RAB11FIP4: variants seen among roughly 807,000 people sequenced by gnomAD.
RAB11FIP4 encodes the protein RAB11 family interacting protein 4.
In RAB11FIP4, 23 loss-of-function variants were observed where a neutral mutation model predicts 74.3. The ratio of observed to expected loss-of-function variants is 0.31; its 90% confidence interval spans 0.22 to 0.44. RAB11FIP4 has a LOEUF of 0.44. Ranked by LOEUF, RAB11FIP4 falls within the 20% of genes least tolerant of loss-of-function variation. The pLI is 1.00. For missense variants in RAB11FIP4, 630 were observed against 863.9 expected, an observed-to-expected ratio of 0.73 and a Z score of 3.39; for synonymous variants, 360 against 359.9, an observed-to-expected ratio of 1.00 and a Z score of 0.00.
chr17:31,504,995 G>A (rs535393341), intron 3 of RAB11FIP4, among the ~76,000 whole-genome samples: 165 of 152,194 alleles, frequency 1.1e-3, no homozygotes, highest in African/African-American at 3.8e-3. Flanking sequence ...CCATTTTTCC[G>A]TTTGGTAGAA....
At chr17:31,396,709 G>A (rs903692909) in intron 1 of RAB11FIP4, among the ~76,000 whole-genome samples, 2 of 152,214 alleles carry the variant, frequency 1.3e-5, no homozygotes, top group Non-Finnish European at 1.5e-5. Flanking sequence ...CAGAATGGTA[G>A]ACATTGAAAG....
chr17:31,507,907 G>C (rs1567682687), intron 3 of RAB11FIP4, among the ~76,000 whole-genome samples: 1 of 152,122 alleles, frequency 6.6e-6, no homozygotes, highest in Non-Finnish European at 1.5e-5. Context: ...CACCATCACA[G>C]CCTCGACTTC....
intron 3 of RAB11FIP4, among the ~76,000 whole-genome samples, chr17:31,515,621 A>C: frequency 6.6e-6 from 1 of 151,902 alleles, no homozygotes; most frequent in Non-Finnish European, 1.5e-5. Context: ...GAGGCTTTTC[A>C]CAGCCTGTTT....
chr17:31,445,622 G>A (rs1260323542), intron 3 of RAB11FIP4, among the ~76,000 whole-genome samples: 1 of 119,256 alleles, frequency 8.4e-6, no homozygotes, highest in Non-Finnish European at 1.6e-5. Context: ...GTCTTGCTCT[G>A]TCACCCAGGC....
chr17:31,517,197 G>A (rs975523281), intron 3 of RAB11FIP4, among the ~76,000 whole-genome samples: 2 of 131,080 alleles, frequency 1.5e-5, no homozygotes, highest in African/African-American at 5.6e-5. Flanking sequence ...GGTGCGGGGG[G>A]GGGGGCGGTG....
chr17:31,474,391 A>G (rs974037681), intron 3 of RAB11FIP4, among the ~76,000 whole-genome samples: 3 of 152,042 alleles, frequency 2.0e-5, no homozygotes, highest in African/African-American at 7.2e-5. Context: ...GTTTAAAGGG[A>G]CCAGGTGCGG....
At chr17:31,501,227 CCT>C (rs2072214681) in intron 3 of RAB11FIP4, among the ~76,000 whole-genome samples, 1 of 150,342 alleles carries the variant, frequency 6.7e-6, no homozygotes, top group African/African-American at 2.4e-5. Flanking sequence ...AAAATAAATC[CCT>C]GAGTCTCTTG....
At chr17:31,499,671 A>G (rs1394101130) in intron 3 of RAB11FIP4, among the ~76,000 whole-genome samples, 1 of 152,060 alleles carries the variant, frequency 6.6e-6, no homozygotes, top group African/African-American at 2.4e-5. Context: ...CCCCATCTAT[A>G]AGGAGGAAAA....
intron 1 of RAB11FIP4, among the ~76,000 whole-genome samples, chr17:31,420,708 C>T (rs1434761250): frequency 6.6e-6 from 1 of 151,358 alleles, no homozygotes; most frequent in African/African-American, 2.4e-5. Flanking sequence ...TTTATTATTT[C>T]TTTCCTCCCT....
At chr17:31,465,312 T>G (rs1443246506) in intron 3 of RAB11FIP4, among the ~76,000 whole-genome samples, 1 of 151,868 alleles carries the variant, frequency 6.6e-6, no homozygotes, top group Non-Finnish European at 1.5e-5. Flanking sequence ...TAGGCCCCAT[T>G]GACTAGCCCA....
At chr17:31,445,071 C>A (rs1383579919) in intron 3 of RAB11FIP4, among the ~76,000 whole-genome samples, 3 of 152,118 alleles carry the variant, frequency 2.0e-5, no homozygotes, top group Non-Finnish European at 4.4e-5. Flanking sequence ...ACTGGGATAT[C>A]AGTGGAGATT....
At chr17:31,451,339 A>G (rs1400052557) in intron 3 of RAB11FIP4, among the ~76,000 whole-genome samples, 2 of 151,764 alleles carry the variant, frequency 1.3e-5, no homozygotes, top group African/African-American at 2.4e-5. Flanking sequence ...GGCGCCTGTA[A>G]TCCCAGCTAC....
intron 7 of RAB11FIP4, chr17:31,522,761 G>A: frequency 3.3e-6 from 1 of 307,340 alleles, no homozygotes; most frequent in Non-Finnish European, 6.1e-6. Flanking sequence ...TGCAGGCGGG[G>A]ATCTGGGCAT....
intron 3 of RAB11FIP4, among the ~76,000 whole-genome samples, chr17:31,447,475 A>G (rs2071478265): frequency 6.6e-6 from 1 of 152,232 alleles, no homozygotes; most frequent in African/African-American, 2.4e-5. Flanking sequence ...AAAATAAAGT[A>G]AAATAAAGAT....
At chr17:31,413,092 C>T (rs1227875472) in intron 1 of RAB11FIP4, among the ~76,000 whole-genome samples, 1 of 152,142 alleles carries the variant, frequency 6.6e-6, no homozygotes, top group Non-Finnish European at 1.5e-5. Context: ...ATGAGGTGTC[C>T]TGGTTAACTC....
At chr17:31,424,780 T>C (rs1037026111) in intron 1 of RAB11FIP4, among the ~76,000 whole-genome samples, 1 of 152,118 alleles carries the variant, frequency 6.6e-6, no homozygotes, top group Non-Finnish European at 1.5e-5. Context: ...TTTCACCATG[T>C]TGGCCAGGCT....
At chr17:31,502,659 A>C (rs1480143378) in intron 3 of RAB11FIP4, among the ~76,000 whole-genome samples, 3 of 152,228 alleles carry the variant, frequency 2.0e-5, no homozygotes, top group African/African-American at 7.2e-5. Context: ...GGTGGGCGAA[A>C]AATCCAGACT....
At chr17:31,443,429 A>G (rs2071423452) in intron 3 of RAB11FIP4, among the ~76,000 whole-genome samples, 1 of 152,112 alleles carries the variant, frequency 6.6e-6, no homozygotes, top group South Asian at 2.1e-4. Context: ...CCCGCCCAAG[A>G]TTGTGAAACT....
intron 3 of RAB11FIP4, among the ~76,000 whole-genome samples, chr17:31,446,326 T>C (rs1379567096): frequency 6.6e-6 from 1 of 152,178 alleles, no homozygotes; most frequent in African/African-American, 2.4e-5. Context: ...TTGCAGCTTC[T>C]GTCCCTTCTG....
Sources: gnomAD v4.1 joint callset for allele counts (sites outside exome capture counted in the v4.1 genomes callset) on GRCh38, gnomAD v4.1.1 for gene constraint, MANE v1.5 for transcripts, NCBI Gene and HGNC (gene_info 2026-07-23, HGNC 2026-07-21) for gene names.